SLC38A12: variants seen among roughly 807,000 people sequenced by gnomAD.
SLC38A12 encodes putative sodium-coupled neutral amino acid transporter 12.
chr17:74,805,374 T>G, the SLC38A12 span, among the ~76,000 whole-genome samples: 1 of 152,186 alleles, frequency 6.6e-6, no homozygotes, highest in South Asian at 2.1e-4. This position sits in a 1 kb window ranked among gnomAD's most constrained non-coding sequence, Gnocchi z 5.0. Context: ...CTTTGTCACT[T>G]GCGGCTGACG....
chr17:74,839,340 T>C, the SLC38A12 span: 2 of 629,114 alleles, frequency 3.2e-6, no homozygotes, highest in Non-Finnish European at 5.1e-6. Context: ...GGACAGGGGC[T>C]GCTGCCCCGC....
the SLC38A12 span, chr17:74,836,846 C>CT: frequency 2.5e-5 from 36 of 1,416,094 alleles, no homozygotes; most frequent in Middle Eastern, 7.3e-4. The surrounding 1 kb of genome is among the most constrained non-coding windows in gnomAD (Gnocchi z 4.2). Context: ...TCTCCCCACC[C>CT]ACCTTCCACC....
At chr17:74,831,507 C>A in the SLC38A12 span, among the ~76,000 whole-genome samples, 1 of 152,204 alleles carries the variant, frequency 6.6e-6, no homozygotes, top group African/African-American at 2.4e-5. Context: ...GTAGCTGAGC[C>A]TTCCGAGGCC....
the SLC38A12 span, among the ~76,000 whole-genome samples, chr17:74,803,965 T>G: frequency 6.6e-6 from 1 of 152,280 alleles, no homozygotes; most frequent in Admixed American, 6.5e-5. Context: ...GTCTGTGGAA[T>G]CTAGCAACCT....
the SLC38A12 span, among the ~76,000 whole-genome samples, chr17:74,833,978 C>G: frequency 5.9e-5 from 9 of 152,318 alleles, no homozygotes; most frequent in East Asian, 1.7e-3. Context: ...CTGCTCAGCT[C>G]TGCTCTGTAG....
the SLC38A12 span, chr17:74,795,485 C>T: frequency 1.3e-6 from 2 of 1,589,684 alleles, no homozygotes; most frequent in Non-Finnish European, 1.7e-6. Context: ...AGCCAGGCGG[C>T]CTCGCTGAGC....
chr17:74,788,907 G>C, the SLC38A12 span: 1 of 1,586,870 alleles, frequency 6.3e-7, no homozygotes, highest in Non-Finnish European at 8.6e-7. Context: ...CCATGCCTCT[G>C]TTCCGTCAGG....
At chr17:74,799,533 G>A in the SLC38A12 span, among the ~76,000 whole-genome samples, 8 of 152,320 alleles carry the variant, frequency 5.3e-5, no homozygotes, top group South Asian at 2.1e-4. Flanking sequence ...CACCCCTTGT[G>A]ACAGAGAGAG....
chr17:74,809,196 T>G, the SLC38A12 span, among the ~76,000 whole-genome samples: 1 of 151,962 alleles, frequency 6.6e-6, no homozygotes, highest in Admixed American at 6.6e-5. Flanking sequence ...AGTATATGGG[T>G]TTTTCTTGGC....
At chr17:74,836,794 G>A in the SLC38A12 span, 1 of 1,465,680 alleles carries the variant, frequency 6.8e-7, no homozygotes, top group Non-Finnish European at 9.0e-7. This position sits in a 1 kb window ranked among gnomAD's most constrained non-coding sequence, Gnocchi z 4.2. Flanking sequence ...GGGCAGGTGG[G>A]ACTGTGGCTC....
At chr17:74,798,901 C>T in the SLC38A12 span, among the ~76,000 whole-genome samples, 1 of 152,190 alleles carries the variant, frequency 6.6e-6, no homozygotes, top group Non-Finnish European at 1.5e-5. Context: ...CAGAAGTTGG[C>T]ATTTCATTCC....
chr17:74,828,423 A>G, the SLC38A12 span, among the ~76,000 whole-genome samples: 1 of 152,148 alleles, frequency 6.6e-6, no homozygotes, highest in Admixed American at 6.5e-5. Flanking sequence ...GGGATTAGGG[A>G]GGAGGAGTGT....
At chr17:74,795,161 C>G in the SLC38A12 span, 1 of 1,486,636 alleles carries the variant, frequency 6.7e-7, no homozygotes, top group Non-Finnish European at 9.4e-7. Context: ...GGGGCTTCCT[C>G]AGCAAGTCAG....
chr17:74,826,328 G>A, the SLC38A12 span, among the ~76,000 whole-genome samples: 2,112 of 152,322 alleles, frequency 0.014, 19 homozygotes, highest in Non-Finnish European at 0.022. Context: ...CCTGGGGAGA[G>A]GGGGACTCTG....
chr17:74,815,101 G>A, the SLC38A12 span, among the ~76,000 whole-genome samples: 6 of 152,130 alleles, frequency 3.9e-5, no homozygotes, highest in East Asian at 1.9e-4. Flanking sequence ...TCCCTCTGCC[G>A]CTTTCTGGCT....
chr17:74,835,076 C>A, the SLC38A12 span, among the ~76,000 whole-genome samples: 1 of 152,210 alleles, frequency 6.6e-6, no homozygotes, highest in African/African-American at 2.4e-5. Flanking sequence ...TAAAGGGCTG[C>A]GAACTGAAGC....
At chr17:74,815,086 C>A in the SLC38A12 span, among the ~76,000 whole-genome samples, 70 of 152,246 alleles carry the variant, frequency 4.6e-4, no homozygotes, top group African/African-American at 1.6e-3. Flanking sequence ...GAGAGGGGGA[C>A]CTTCTCCCTC....
chr17:74,785,559 G>A, the SLC38A12 span: 1 of 1,614,064 alleles, frequency 6.2e-7, no homozygotes, highest in Non-Finnish European at 8.5e-7. Flanking sequence ...CCACTGCCGG[G>A]TGGCTTGTCA....
the SLC38A12 span, among the ~76,000 whole-genome samples, chr17:74,800,814 C>G: frequency 1.6e-4 from 25 of 152,190 alleles, no homozygotes. Flanking sequence ...TGCAGTCAAA[C>G]AGGAAAGGTG....
Sources: allele counts gnomAD v4.1 joint callset (sites outside exome capture counted in the v4.1 genomes callset), GRCh38; gene constraint gnomAD v4.1.1; non-coding constraint Gnocchi (gnomAD v3.1); transcripts MANE v1.5; gene names NCBI Gene and HGNC (gene_info 2026-07-23, HGNC 2026-07-21).